The following DOP1A variants were observed in gnomAD, a reference collection of about 807,000 sequenced individuals.
DOP1A encodes the protein protein DOP1A.
A neutral mutation model predicts 267.6 loss-of-function variants in DOP1A; 90 were observed. The ratio of observed to expected loss-of-function variants is 0.34; its 90% confidence interval spans 0.28 to 0.40. The LOEUF is 0.40. DOP1A is among the 10% of genes least tolerant of loss of function. The pLI, the probability that DOP1A is intolerant of heterozygous loss-of-function variation, is 1.00. For missense variants in DOP1A, 2,437 were observed against 2,900.4 expected (o/e 0.84, Z 3.67); for synonymous variants, 932 against 999.1 (o/e 0.93, Z 1.27).
At chr6:83,123,504 A>G (rs1381920424) in intron 12 of DOP1A, among the ~76,000 whole-genome samples, 1 of 152,098 alleles carries the variant, frequency 6.6e-6, no homozygotes, top group Non-Finnish European at 1.5e-5. Context: ...CTTCTAGACC[A>G]GATCCTCTCA....
intron 7 of DOP1A, among the ~76,000 whole-genome samples, chr6:83,118,161 C>T (rs1421641414): frequency 6.6e-6 from 1 of 152,034 alleles, no homozygotes; most frequent in Non-Finnish European, 1.5e-5. Context: ...TTCTCAGATT[C>T]CAAGATTATA....
chr6:83,125,427 T>C lies in DOP1A; in HGVS notation c.1486-73T>C, dbSNP rs943189423. The stretch of plus-strand genomic sequence containing the variant: ...ATGGATGAGTAAAATCATTGCCTAT[T>C]TATATAGATTAAAAAATGTAACTTT... On this transcript the variant is annotated intron_variant, in intron 14 of 38. Transcript: ENST00000349129. The C allele has an allele frequency of 1.5e-5, 20 of 1,371,074 alleles. No individual in the cohort carries two copies. In the East Asian group the frequency reaches 4.5e-4, roughly 31 times the overall value. The allele number at this position is 1,371,074 out of a possible 1,614,324, so 84.9% of individuals were successfully genotyped here.
Position 83,140,006 on chromosome 6 carries a change from G to A in DOP1A, c.5127G>A (p.Leu1709=). The A allele has an allele frequency of 6.2e-7, 1 of 1,611,594 alleles. No homozygotes were observed. Among genetic ancestry groups the A allele is most frequent in the Non-Finnish European group, 8.5e-7 (1 of 1,178,208 alleles). The part of the protein sequence containing the change: ...YETGLSDSRP[L]WMASIIPPDM... The stretch of plus-strand genomic sequence containing the variant: ...TGAATGCATTTTACTTCAGGCCTCT[G>A]TGGATGGCATCAATTATTCCACCAG... Residue 1709 remains leucine, a synonymous_variant, in exon 22 of 39, where the codon CTG becomes CTA. Coordinates refer to ENST00000349129, the MANE Select transcript of DOP1A (RefSeq NM_015018.4).
At chr6:83,103,072 G>A (rs972422900) in intron 4 of DOP1A, among the ~76,000 whole-genome samples, 12 of 151,954 alleles carry the variant, frequency 7.9e-5, no homozygotes, top group African/African-American at 2.9e-4. Context: ...CTATTCTATT[G>A]TGATGTGTTT....
At chr6:83,076,358 C>CT (rs1767090259) in intron 1 of DOP1A, among the ~76,000 whole-genome samples, 1 of 152,044 alleles carries the variant, frequency 6.6e-6, no homozygotes, top group South Asian at 2.1e-4. Context: ...CCGGTCTCTA[C>CT]TAAAATACAA....
chr6:83,132,093 G>A, intron 17 of DOP1A, 83 bp from the exon 18 acceptor site: 1 of 1,479,348 alleles, frequency 6.8e-7, no homozygotes, highest in Non-Finnish European at 9.3e-7. Context: ...CAGAGAGCAG[G>A]CATTCATTTG....
At chr6:83,096,027 A>G (rs1478585850) in intron 1 of DOP1A, among the ~76,000 whole-genome samples, 3 of 152,156 alleles carry the variant, frequency 2.0e-5, no homozygotes, top group Non-Finnish European at 4.4e-5. Flanking sequence ...TTTTCATGAG[A>G]AATGAGTCAC....
chr6:83,075,598 T>A (rs1766942905), intron 1 of DOP1A, among the ~76,000 whole-genome samples: 1 of 152,174 alleles, frequency 6.6e-6, no homozygotes, highest in Non-Finnish European at 1.5e-5. Flanking sequence ...TTAAAAATTA[T>A]TGCAAAGCTA....
chr6:83,159,522 C>T (rs1284057364), intron 36 of DOP1A, among the ~76,000 whole-genome samples: 2 of 151,946 alleles, frequency 1.3e-5, no homozygotes, highest in Non-Finnish European at 1.5e-5. Context: ...AATTCCTGGG[C>T]TCAAACATTC....
At chr6:83,164,676 T>A in intron 38 of DOP1A, 1 of 1,584,388 alleles carries the variant, frequency 6.3e-7, no homozygotes, top group Non-Finnish European at 8.6e-7. Flanking sequence ...GAGGAGGACT[T>A]TAAGACAGTG....
chr6:83,130,337 T>C lies in DOP1A; in HGVS notation c.2556T>C (p.Ile852=), dbSNP rs768366989. Residue 852 remains isoleucine (I), a synonymous_variant, in exon 17 of 39, where the codon ATT becomes ATC. Transcript: ENST00000349129. ...SPNQGRVAVV[I]RPPLTQGNLR... ...ACCAGGGAAGAGTAGCTGTGGTTAT[T>C]AGACCTCCCCTCACTCAGGGCAATC... The C allele has an allele frequency of 6.2e-7, 1 of 1,613,986 alleles. No individual in the cohort carries two copies. Among genetic ancestry groups the C allele is most frequent in the Non-Finnish European group, 8.5e-7 (1 of 1,179,976 alleles).
At chr6:83,119,022 A>C in intron 8 of DOP1A, 35 bp downstream of exon 8, 1 of 1,578,494 alleles carries the variant, frequency 6.3e-7, no homozygotes, top group Non-Finnish European at 8.7e-7. Flanking sequence ...TGATTGGGGA[A>C]AAAATGGAGG....
At chr6:83,071,013 C>T (rs1219072196) in intron 1 of DOP1A, among the ~76,000 whole-genome samples, 2 of 152,106 alleles carry the variant, frequency 1.3e-5, no homozygotes, top group Admixed American at 6.5e-5. Flanking sequence ...AGAAGGTGGA[C>T]GTATACGTAA....
chr6:83,081,746 G>A (rs1768112337), intron 1 of DOP1A, among the ~76,000 whole-genome samples: 2 of 152,158 alleles, frequency 1.3e-5, no homozygotes, highest in Non-Finnish European at 2.9e-5. Flanking sequence ...GCAGAGTAAA[G>A]AGACAACCTA....
intron 36 of DOP1A, 112 bp downstream of exon 36, chr6:83,158,734 TTATC>T: frequency 1.3e-6 from 1 of 745,348 alleles, no homozygotes; most frequent in South Asian, 1.9e-5. Context: ...TTATTTATTA[TTATC>T]TAATTGATTA....
In DOP1A at chr6:83,119,871, T is replaced by C. The variant is rs753306245; in HGVS notation, c.990+14T>C. The C allele has an allele frequency of 3.1e-6, 5 of 1,593,550 alleles. No individual in the cohort carries two copies. Among genetic ancestry groups the C allele is most frequent in the Non-Finnish European group, 4.3e-6 (5 of 1,162,442 alleles). On this transcript the variant is annotated intron_variant, in intron 9 of 38. Transcript: ENST00000349129. ...TTATTAGTCCAGGTAATGAATACTT[T>C]TATTATTCTTTGGTTACTTACTGAC... is the stretch of plus-strand genomic sequence containing the variant.
rs1035959566 is a variant in DOP1A, at chr6:83,164,538, A to G, written c.7092+1619A>G. On this transcript the variant is annotated intron_variant, in intron 38 of 38. Coordinates refer to ENST00000349129, the MANE Select transcript of DOP1A (RefSeq NM_015018.4). ...TTTTGCCCAAAATTTGTCCCACAGAATAAGAAAACTATTTTGATTGAAAGG... is the reference window on the plus strand; with the variant it reads ...TTTTGCCCAAAATTTGTCCCACAGAGTAAGAAAACTATTTTGATTGAAAGG... The G allele has an allele frequency of 7.4e-6, 7 of 950,526 alleles. No homozygotes were observed. The Admixed American group carries it at 8.2e-5, about 11-fold the overall frequency. 58.9% of individuals were successfully genotyped at this position (950,526 alleles called of 1,614,324 possible). A position where few individuals can be genotyped will look rare whatever the true frequency, so the allele number is the denominator to read the frequency against.
intron 37 of DOP1A, among the ~76,000 whole-genome samples, chr6:83,162,585 A>G (rs894590297): frequency 1.3e-5 from 2 of 152,166 alleles, no homozygotes; most frequent in African/African-American, 4.8e-5. Context: ...CAACCTTATG[A>G]GGTAGTTAAT....
In DOP1A at chr6:83,113,435, G is replaced by A. The variant is rs117413542; in HGVS notation, c.780+14G>A. 24,531 of 1,596,548 alleles carry A rather than the reference G, an allele frequency of 0.015. 239 individuals are homozygous for A. Among genetic ancestry groups the A allele is most frequent in the Non-Finnish European group, 0.018 (21,093 of 1,164,658 alleles). On this transcript the variant is annotated intron_variant, in intron 7 of 38. Coordinates refer to ENST00000349129, the MANE Select transcript of DOP1A (RefSeq NM_015018.4). ...CACATGAGTCAGGTAAAATATTAAC[G>A]CCGATGTTATTATAAGGCATTCTTG...
Sources: allele counts gnomAD v4.1 joint callset (sites outside exome capture counted in the v4.1 genomes callset), GRCh38; gene constraint gnomAD v4.1.1; transcripts MANE v1.5; gene names NCBI Gene and HGNC (gene_info 2026-07-23, HGNC 2026-07-21).